MALRD1: variants seen among roughly 807,000 people sequenced by gnomAD.
MALRD1 encodes MAM and LDL-receptor class A domain-containing protein 1.
In MALRD1, 247 loss-of-function variants were observed where a neutral mutation model predicts 242.1. The ratio of observed to expected loss-of-function variants is 1.02; its 90% CI spans 0.92 to 1.13. MALRD1 has a LOEUF of 1.13. Among genes scored for constraint, MALRD1 ranks in the 50% most tolerant of loss-of-function variants. The probability of loss-of-function intolerance (pLI) is 0.00; values close to 1 mark genes in which losing one functional copy is unlikely to be tolerated. For missense variants in MALRD1, 2,989 were observed against 2,533.1 expected, an observed-to-expected ratio of 1.18 and a Z score of -3.86; for synonymous variants, 995 against 866.6, an observed-to-expected ratio of 1.15 and a Z score of -2.60.
At chr10:19,521,499 C>A (rs1198875318) in intron 31 of MALRD1, among the ~76,000 whole-genome samples, 1 of 152,030 alleles carries the variant, frequency 6.6e-6, no homozygotes, top group East Asian at 1.9e-4. Context: ...TTGTGTCCTC[C>A]CCCTCACTAT....
chr10:19,662,144 A>G (rs943005488), intron 36 of MALRD1, among the ~76,000 whole-genome samples: 1 of 152,166 alleles, frequency 6.6e-6, no homozygotes, highest in South Asian at 2.1e-4. Context: ...AAGAAAAAAA[A>G]TAATTGAATA....
At chr10:19,170,554 A>G (rs1025560716) in intron 13 of MALRD1, among the ~76,000 whole-genome samples, 7 of 152,170 alleles carry the variant, frequency 4.6e-5, no homozygotes, top group Admixed American at 4.6e-4. Context: ...GAAGGGTAAG[A>G]TTCATAACAC....
chr10:19,491,416 C>T (rs1837487220), intron 29 of MALRD1, 101 bp from the exon 30 acceptor site: 2 of 1,376,002 alleles, frequency 1.5e-6, no homozygotes, highest in African/African-American at 1.5e-5. Flanking sequence ...AAATCCTTAA[C>T]TTGCTTACTA....
rs1210390154 is a variant in MALRD1 at position 19,384,542 on chromosome 10, CTATATAT to C, written c.4442-2972_4442-2966del. The stretch of plus-strand genomic sequence containing the variant: ...TTATATAGTGTATATAATATATTTA[CTATATAT>C]TATATATTATATAGTGTATATAATA... On this transcript the variant is annotated intron_variant, in intron 26 of 39. Transcript: ENST00000454679. 1.3e-4 allele frequency among the ~76,000 whole-genome samples: 15 copies of C among 112,162 alleles called. No homozygotes were observed. In the East Asian group the frequency reaches 2.7e-3, roughly 20 times the overall value. The allele number at this position is 112,162 out of a possible 152,430, so 73.6% of individuals were successfully genotyped here. A position where few individuals can be genotyped will look rare whatever the true frequency, so the allele number is the denominator to read the frequency against.
chr10:19,167,721 T>C (rs1588641179), intron 13 of MALRD1, among the ~76,000 whole-genome samples: 1 of 152,042 alleles, frequency 6.6e-6, no homozygotes, highest in African/African-American at 2.4e-5. Context: ...TGGCTCCCAA[T>C]AGTGGGTGTT....
intron 18 of MALRD1, among the ~76,000 whole-genome samples, chr10:19,212,055 G>A (rs1490191177): frequency 6.6e-6 from 1 of 152,126 alleles, no homozygotes; most frequent in Non-Finnish European, 1.5e-5. Flanking sequence ...GTCAGTAAAG[G>A]CTCAGGAAAT....
At chr10:19,430,111 CTTTTTTTTTT>C (rs1156254998) in intron 28 of MALRD1, among the ~76,000 whole-genome samples, 2 of 83,494 alleles carry the variant, frequency 2.4e-5, no homozygotes, top group East Asian at 3.7e-4. Flanking sequence ...CTCCATTTTC[CTTTTTTTTTT>C]TTTTTTTTTT....
chr10:19,714,066 C>G (rs1051995475), intron 38 of MALRD1, among the ~76,000 whole-genome samples: 1 of 152,104 alleles, frequency 6.6e-6, no homozygotes, highest in African/African-American at 2.4e-5. Context: ...TTATAGTGTG[C>G]TCTTTCAGTT....
intron 18 of MALRD1, among the ~76,000 whole-genome samples, chr10:19,244,250 C>T (rs942460417): frequency 2.0e-5 from 3 of 152,058 alleles, no homozygotes; most frequent in African/African-American, 7.2e-5. Flanking sequence ...TCCTTGCACG[C>T]TTAGATAATT....
At chr10:19,608,949 G>A (rs867998695) in intron 35 of MALRD1, among the ~76,000 whole-genome samples, 1 of 152,048 alleles carries the variant, frequency 6.6e-6, no homozygotes, top group Non-Finnish European at 1.5e-5. Context: ...GAGTAGGAAA[G>A]CCGTTACTGA....
intron 36 of MALRD1, among the ~76,000 whole-genome samples, chr10:19,640,324 G>A (rs1291072526): frequency 6.6e-6 from 1 of 151,988 alleles, no homozygotes; most frequent in African/African-American, 2.4e-5. Flanking sequence ...CTTGACCTCA[G>A]GTGGTCCACC....
chr10:19,620,710 A>G (rs920155465), intron 36 of MALRD1, among the ~76,000 whole-genome samples: 16 of 152,070 alleles, frequency 1.1e-4, no homozygotes, highest in African/African-American at 3.1e-4. Context: ...ACCCATCCCT[A>G]ATGTATAACT....
intron 26 of MALRD1, among the ~76,000 whole-genome samples, chr10:19,363,777 A>G (rs1472897367): frequency 6.6e-6 from 1 of 152,166 alleles, no homozygotes; most frequent in Non-Finnish European, 1.5e-5. Flanking sequence ...GAGAAGAGCC[A>G]GAATATAGTA....
chr10:19,321,033 C>CTGA (rs1842895671), intron 21 of MALRD1, among the ~76,000 whole-genome samples: 1 of 152,012 alleles, frequency 6.6e-6, no homozygotes, highest in Non-Finnish European at 1.5e-5. Context: ...CCTGTTCACT[C>CTGA]TGATAGTTTC....
intron 32 of MALRD1, among the ~76,000 whole-genome samples, chr10:19,555,223 A>G (rs1835664868): frequency 6.6e-6 from 1 of 152,160 alleles, no homozygotes. Context: ...GTATCAAACC[A>G]TTCATGAGGG....
rs2358410 is a variant in MALRD1, at chr10:19,499,628, T to C, written c.5320+982T>C. Among the ~76,000 whole-genome samples, 173 of 152,236 alleles carry C rather than the reference T, an allele frequency of 1.1e-3. 1 individual carries two copies. Among genetic ancestry groups the C allele is most frequent in the African/African-American group, 3.8e-3 (158 of 41,542 alleles). ...CTTATAATAAATCTCCTTCTGTATA[T>C]ACACACATCCTGTTGATTCTGTTTC... On this transcript the variant is annotated intron_variant, in intron 31 of 39. Transcript: ENST00000454679.
chr10:19,163,292 G>C (rs920273211), intron 12 of MALRD1, among the ~76,000 whole-genome samples: 2 of 151,900 alleles, frequency 1.3e-5, no homozygotes, highest in African/African-American at 4.8e-5. Flanking sequence ...AGAAAGAGTG[G>C]TACATATGTA....
chr10:19,431,884 G>T (rs1225683291), intron 28 of MALRD1, among the ~76,000 whole-genome samples: 2 of 152,146 alleles, frequency 1.3e-5, no homozygotes, highest in African/African-American at 2.4e-5. Flanking sequence ...TAACTGACAC[G>T]TTGCTTTTGA....
At position 19,050,076 on chromosome 10, in the gene MALRD1, A is replaced by T. The variant is rs768945455; in HGVS notation, c.199+939A>T. Reference sequence around the variant, plus strand: ...ATTGTAGGTCACTTAACTCAAACATATGTCTTCTTTTTTTTTTTTTTTTTT... The same window carrying T: ...ATTGTAGGTCACTTAACTCAAACATTTGTCTTCTTTTTTTTTTTTTTTTTT... On this transcript the variant is annotated intron_variant, in intron 1 of 39. Transcript: ENST00000454679. Among the ~76,000 whole-genome samples, 69 of 141,822 alleles carry T rather than the reference A, an allele frequency of 4.9e-4. 1 individual carries two copies. Among genetic ancestry groups the T allele is most frequent in the Admixed American group, 8.6e-4 (12 of 13,886 alleles). The allele number at this position is 141,822 out of a possible 152,430, so 93.0% of individuals were successfully genotyped here.
Sources: allele counts gnomAD v4.1 joint callset (sites outside exome capture counted in the v4.1 genomes callset), GRCh38; gene constraint gnomAD v4.1.1; transcripts MANE v1.5; gene names NCBI Gene and HGNC (gene_info 2026-07-23, HGNC 2026-07-21).